Variants in PEF1 observed in about 807,000 individuals in gnomAD.
The protein encoded by PEF1 is peflin.
PEF1 carries 17 observed loss-of-function variants against 32.0 expected under a neutral mutation model. The ratio of observed to expected loss-of-function variants is 0.53; its 90% confidence interval spans 0.36 to 0.80. The LOEUF (loss-of-function observed/expected upper bound fraction) is 0.80. Ranked by LOEUF, PEF1 falls within the 30% of genes least tolerant of loss-of-function variation. The pLI is 0.00. For synonymous variants in PEF1, 130 were observed against 139.8 expected, an observed-to-expected ratio of 0.93 and a Z score of 0.50; for missense variants, 362 against 369.1, an observed-to-expected ratio of 0.98 and a Z score of 0.16.
intron 1 of PEF1, 149 bp downstream of exon 1, chr1:31,644,692 C>T (rs1640505248): frequency 6.7e-7 from 1 of 1,502,838 alleles, no homozygotes. Context: ...GACCGACGGT[C>T]CCTTTTCGGT....
At position 31,630,441 on chromosome 1, in the gene PEF1, A is replaced by G. The variant is rs191007984; in HGVS notation, c.*172T>C. 3.2e-5 allele frequency: 22 copies of G among 688,052 alleles called. No individual in the cohort carries two copies. In the African/African-American group the frequency reaches 3.4e-4, roughly 11 times the overall value. 42.6% of individuals were successfully genotyped at this position (688,052 alleles called of 1,614,324 possible). ...TGTGGCCTCAGCCCCGGTCCTCACT[A>G]TTTGGTGGCTATGATGCAGGACTCT... On this transcript the variant is annotated 3_prime_UTR_variant, in exon 5 of 5. Coordinates refer to ENST00000373703, the MANE Select transcript of PEF1 (RefSeq NM_012392.4).
chr1:31,637,573 T>C (rs1406966650), intron 1 of PEF1, among the ~76,000 whole-genome samples: 1 of 139,818 alleles, frequency 7.2e-6, no homozygotes, highest in African/African-American at 2.7e-5. Flanking sequence ...TGAGCCTAAG[T>C]TGGAGGCTGC....
At position 31,630,771 on chromosome 1, in the gene PEF1, A is replaced by G. The variant is rs1228639770; in HGVS notation, c.697T>C (p.Ser233Pro). 6.2e-7 allele frequency: 1 copy of G among 1,613,908 alleles called. No individual in the cohort carries two copies. Among genetic ancestry groups the G allele is most frequent in the African/African-American group, 1.3e-5 (1 of 74,946 alleles). ...TCAAGCTGCATGGCAGGATTGGCAG[A>G]GCGTGGGCAGTAGCGGGAGACCAGA... ...QLLVSRYCPR[S>P]ANPAMQLDRF... The change falls in exon 5 of 5, where the codon TCT (serine) becomes CCT (proline). Residue 233 changes from serine (S) to proline (P), a missense_variant. By Grantham distance (74) the Ser-to-Pro change is moderately conservative. Coordinates refer to ENST00000373703, the MANE Select transcript of PEF1 (RefSeq NM_012392.4).
At chr1:31,631,616 T>A (rs1640105625) in intron 4 of PEF1, among the ~76,000 whole-genome samples, 1 of 152,150 alleles carries the variant, frequency 6.6e-6, no homozygotes, top group Admixed American at 6.5e-5. Flanking sequence ...CATTGAAGGG[T>A]GTGGAATTAT....
intron 1 of PEF1, 169 bp downstream of exon 1, chr1:31,644,672 A>C (rs1192045752): frequency 6.8e-6 from 10 of 1,469,226 alleles, no homozygotes; most frequent in Admixed American, 6.7e-5. Flanking sequence ...TCATGACGTG[A>C]GCAGGGCGCG....
chr1:31,640,893 A>G (rs7546297), intron 1 of PEF1, among the ~76,000 whole-genome samples: 82,358 of 151,876 alleles, frequency 0.54, 23,442 homozygotes, highest in Non-Finnish European at 0.63. Flanking sequence ...TGCAAAGACA[A>G]GTTTGTACCC....
chr1:31,636,141 G>A (rs1402250342), intron 1 of PEF1, among the ~76,000 whole-genome samples: 1 of 152,142 alleles, frequency 6.6e-6, no homozygotes, highest in Admixed American at 6.5e-5. Flanking sequence ...TGCTTTCAAA[G>A]GCCAGTTCAA....
chr1:31,638,301 T>C (rs1260146061), intron 1 of PEF1, among the ~76,000 whole-genome samples: 2 of 152,082 alleles, frequency 1.3e-5, no homozygotes, highest in South Asian at 2.1e-4. Flanking sequence ...GCCCAAGTAA[T>C]GCTGTGAGCT....
rs184326237 is a variant in PEF1 at position 31,644,484 on chromosome 1, A to G, written c.24+357T>C. On this transcript the variant is annotated intron_variant, in intron 1 of 4. Transcript: ENST00000373703. ...CGACGCCCCAAATGAGATCGGCGGA[A>G]CCAGAACTCTAAACCTCCGGTCATG... 259 of 1,228,598 alleles carry G rather than the reference A, an allele frequency of 2.1e-4. No individual in the cohort carries two copies. The African/African-American group carries it at 3.7e-3, about 18-fold the overall frequency. The allele number at this position is 1,228,598 out of a possible 1,614,324, so 76.1% of individuals were successfully genotyped here.
intron 1 of PEF1, among the ~76,000 whole-genome samples, chr1:31,643,328 T>A (rs1430662735): frequency 6.6e-6 from 1 of 152,118 alleles, no homozygotes; most frequent in Non-Finnish European, 1.5e-5. Flanking sequence ...CAGCTATACT[T>A]AAGAGTATTT....
At chr1:31,633,386 A>C in intron 2 of PEF1, 72 bp from the exon 3 acceptor site, 1 of 1,465,886 alleles carries the variant, frequency 6.8e-7, no homozygotes, top group Non-Finnish European at 9.2e-7. Context: ...TCCTGGCTAC[A>C]GGTTTCTCCT....
chr1:31,635,023 T>G, intron 2 of PEF1, 199 bp downstream of exon 2: 1 of 767,792 alleles, frequency 1.3e-6, no homozygotes, highest in Non-Finnish European at 2.3e-6. Context: ...AAAGTAAGCA[T>G]GAGCAAGCAA....
chr1:31,631,608 T>C (rs1050183675), intron 4 of PEF1, among the ~76,000 whole-genome samples: 1 of 152,182 alleles, frequency 6.6e-6, no homozygotes, highest in Admixed American at 6.5e-5. Context: ...GGATTCTTCA[T>C]TGAAGGGTGT....
intron 1 of PEF1, chr1:31,644,266 G>T: frequency 1.6e-6 from 1 of 614,492 alleles, no homozygotes; most frequent in Non-Finnish European, 2.0e-6. Flanking sequence ...TCTGACCTCG[G>T]CCCTGCTGCC....
At chr1:31,639,910 G>T (rs890622713) in intron 1 of PEF1, among the ~76,000 whole-genome samples, 4 of 152,214 alleles carry the variant, frequency 2.6e-5, no homozygotes, top group Admixed American at 6.5e-5. Flanking sequence ...GGGTCACCCA[G>T]TGTCACTGAG....
At chr1:31,642,036 A>T (rs74443787) in intron 1 of PEF1, among the ~76,000 whole-genome samples, 1 of 152,186 alleles carries the variant, frequency 6.6e-6, no homozygotes, top group Non-Finnish European at 1.5e-5. Flanking sequence ...GTTTGAGACC[A>T]GCCTGGCCAA....
chr1:31,639,838 G>T (rs1231435596), intron 1 of PEF1, among the ~76,000 whole-genome samples: 1 of 152,342 alleles, frequency 6.6e-6, no homozygotes, highest in Admixed American at 6.5e-5. Flanking sequence ...AGCCAACTGA[G>T]ACAGAATGCA....
At chr1:31,630,968 G>A (rs1640084285) in intron 4 of PEF1, 126 bp from the exon 5 acceptor site, 10 of 793,912 alleles carry the variant, frequency 1.3e-5, no homozygotes, top group Non-Finnish European at 2.1e-5. Flanking sequence ...CACAAAGAGG[G>A]TAGAGAAATC....
chr1:31,630,228 T>C lies in PEF1; in HGVS notation c.*385A>G. 2 of 261,506 alleles carry C rather than the reference T, an allele frequency of 7.6e-6. No individual in the cohort carries two copies. The highest frequency in any genetic ancestry group is 1.5e-5 in the Non-Finnish European group (2 of 131,328). The allele number at this position is 261,506 out of a possible 1,614,324, so 16.2% of individuals were successfully genotyped here. The stretch of plus-strand genomic sequence containing the variant: ...GGGCTCGTTTGACAGGATGGCCTGG[T>C]GAGGGAACACAGGTACTAACGGTAA... On this transcript the variant is annotated 3_prime_UTR_variant, in exon 5 of 5. Coordinates refer to ENST00000373703, the MANE Select transcript of PEF1 (RefSeq NM_012392.4).
Sources: gnomAD v4.1 joint callset for allele counts (sites outside exome capture counted in the v4.1 genomes callset) on GRCh38, gnomAD v4.1.1 for gene constraint, MANE v1.5 for transcripts, NCBI Gene and HGNC (gene_info 2026-07-23, HGNC 2026-07-21) for gene names.